Variants in NCK2 observed in about 807,000 individuals in gnomAD.
NCK2 encodes the protein NCK adaptor protein 2, also known as cytoplasmic protein NCK2.
In NCK2, 16 loss-of-function variants were observed where a neutral mutation model predicts 33.9. That is an observed-to-expected ratio of 0.47 (90% confidence interval 0.32 to 0.72). NCK2 has a LOEUF of 0.72. Among genes scored for constraint, NCK2 ranks in the 30% least tolerant of loss-of-function variants. The pLI is 0.03. For missense variants in NCK2, 418 were observed against 537.3 expected, an observed-to-expected ratio of 0.78 and a Z score of 2.19; for synonymous variants, 273 against 239.9, an observed-to-expected ratio of 1.14 and a Z score of -1.27.
chr2:105,892,545 CAG>C (rs1183089115), intron 4 of NCK2, among the ~76,000 whole-genome samples: 1 of 146,756 alleles, frequency 6.8e-6, no homozygotes, highest in Non-Finnish European at 1.5e-5. Context: ...AGATATAAAA[CAG>C]AGACCCGGCT....
chr2:105,867,773 C>A (rs1189150690), intron 3 of NCK2, among the ~76,000 whole-genome samples: 2 of 152,198 alleles, frequency 1.3e-5, no homozygotes, highest in Non-Finnish European at 2.9e-5. Context: ...TTGCTTCTTA[C>A]TAAGATGATC....
intron 2 of NCK2, among the ~76,000 whole-genome samples, chr2:105,819,956 C>T (rs12997003): frequency 0.3 from 45,780 of 152,028 alleles, 7,918 homozygotes; most frequent in South Asian, 0.4. Flanking sequence ...AGCCACCTTT[C>T]CCCATGCCCT....
chr2:105,753,074 A>G (rs1477924882), intron 1 of NCK2, among the ~76,000 whole-genome samples: 1 of 152,236 alleles, frequency 6.6e-6, no homozygotes, highest in Non-Finnish European at 1.5e-5. Flanking sequence ...CTAGACTCTG[A>G]CCAAGCTAGC....
intron 3 of NCK2, among the ~76,000 whole-genome samples, chr2:105,856,174 G>A (rs898712026): frequency 6.6e-6 from 1 of 152,176 alleles, no homozygotes; most frequent in South Asian, 2.1e-4. Flanking sequence ...GTCAGGTTAT[G>A]GGCAGTGCCC....
chr2:105,868,452 A>G (rs570008867), intron 3 of NCK2, among the ~76,000 whole-genome samples: 2 of 152,206 alleles, frequency 1.3e-5, no homozygotes, highest in African/African-American at 4.8e-5. Flanking sequence ...TTGATGGGGA[A>G]TCTTGCTTGG....
intron 3 of NCK2, among the ~76,000 whole-genome samples, chr2:105,872,890 A>G (rs542256822): frequency 8.1e-4 from 123 of 152,324 alleles, no homozygotes; most frequent in Non-Finnish European, 1.1e-3. Flanking sequence ...ATCCGGGGAC[A>G]CCTCTGTTGA....
intron 1 of NCK2, among the ~76,000 whole-genome samples, chr2:105,773,232 G>T (rs1690192372): frequency 6.6e-6 from 1 of 151,836 alleles, no homozygotes; most frequent in African/African-American, 2.4e-5. Context: ...GAGTGCCAAG[G>T]ATATTTTTCT....
chr2:105,762,684 G>A (rs1689805495), intron 1 of NCK2, among the ~76,000 whole-genome samples: 1 of 152,150 alleles, frequency 6.6e-6, no homozygotes, highest in Admixed American at 6.5e-5. Context: ...CAGAGAAATG[G>A]TCACTATTTT....
chr2:105,782,870 T>A (rs1389281366), intron 1 of NCK2, among the ~76,000 whole-genome samples: 1 of 152,088 alleles, frequency 6.6e-6, no homozygotes, highest in African/African-American at 2.4e-5. Context: ...TCCCCAACGC[T>A]CCCAACTGGA....
chr2:105,783,996 G>T (rs1253716030), intron 1 of NCK2, among the ~76,000 whole-genome samples: 1 of 152,246 alleles, frequency 6.6e-6, no homozygotes, highest in African/African-American at 2.4e-5. Context: ...TAAGCAGCAG[G>T]ACCTGCTTCA....
intron 1 of NCK2, among the ~76,000 whole-genome samples, chr2:105,813,422 G>A (rs1344575389): frequency 6.6e-6 from 1 of 152,198 alleles, no homozygotes; most frequent in Non-Finnish European, 1.5e-5. Context: ...ACAGCCTTGG[G>A]CTGTCATCAG....
chr2:105,797,447 A>C (rs980446632), intron 1 of NCK2, among the ~76,000 whole-genome samples: 1 of 152,178 alleles, frequency 6.6e-6, no homozygotes, highest in South Asian at 2.1e-4. Context: ...TCTAAGGGGG[A>C]AAAAACCAGT....
chr2:105,755,496 A>G (rs1689574357), intron 1 of NCK2, among the ~76,000 whole-genome samples: 1 of 152,216 alleles, frequency 6.6e-6, no homozygotes, highest in Admixed American at 6.5e-5. Context: ...TTCTCCTTTC[A>G]TGAGTGCCTC....
At chr2:105,854,979 C>A in intron 2 of NCK2, 69 bp from the exon 3 acceptor site, 2 of 1,214,438 alleles carry the variant, frequency 1.6e-6, no homozygotes, top group Non-Finnish European at 2.4e-6. Context: ...CCTAATTTTT[C>A]AAGTTGGTGC....
chr2:105,837,962 A>G (rs537750821), intron 2 of NCK2, among the ~76,000 whole-genome samples: 1 of 152,356 alleles, frequency 6.6e-6, no homozygotes, highest in African/African-American at 2.4e-5. Flanking sequence ...TATATTCAAC[A>G]CCAGTCCTGT....
intron 3 of NCK2, among the ~76,000 whole-genome samples, chr2:105,873,950 C>G (rs1267759639): frequency 6.6e-6 from 1 of 152,152 alleles, no homozygotes; most frequent in Admixed American, 6.5e-5. Context: ...GTGCCCTGAC[C>G]ACACAGATAT....
chr2:105,796,640 G>A (rs1691091434), intron 1 of NCK2, among the ~76,000 whole-genome samples: 1 of 152,146 alleles, frequency 6.6e-6, no homozygotes, highest in Non-Finnish European at 1.5e-5. Flanking sequence ...CATTTGGCAA[G>A]GAAGAGTATC....
intron 1 of NCK2, among the ~76,000 whole-genome samples, chr2:105,806,950 C>A (rs1675069798): frequency 6.6e-6 from 1 of 152,172 alleles, no homozygotes; most frequent in Admixed American, 6.5e-5. Context: ...ATGGGGTGAT[C>A]TTAGTCTTTC....
At chr2:105,837,626 G>A (rs1212019818) in intron 2 of NCK2, among the ~76,000 whole-genome samples, 1 of 152,198 alleles carries the variant, frequency 6.6e-6, no homozygotes, top group Non-Finnish European at 1.5e-5. Context: ...AGTAGAAGTG[G>A]AGCTGCTGCC....
Sources: gnomAD v4.1 joint callset for allele counts (sites outside exome capture counted in the v4.1 genomes callset) on GRCh38, gnomAD v4.1.1 for gene constraint, MANE v1.5 for transcripts, NCBI Gene and HGNC (gene_info 2026-07-23, HGNC 2026-07-21) for gene names.